Variants in DCBLD1 observed in about 807,000 individuals in gnomAD.
DCBLD1 encodes discoidin, CUB and LCCL domain containing 1, also known as discoidin, CUB and LCCL domain-containing protein 1.
Under a neutral mutation model 71.5 loss-of-function variants are expected in DCBLD1, and 57 were observed. The ratio of observed to expected loss-of-function variants is 0.80; its 90% CI spans 0.64 to 0.99. The LOEUF (loss-of-function observed/expected upper bound fraction) is 0.99, where lower values mean the gene tolerates loss of function less well. Ranked by LOEUF, DCBLD1 falls within the 50% of genes least tolerant of loss-of-function variation. DCBLD1 has a pLI of 0.00. For synonymous variants in DCBLD1, 380 were observed against 363.8 expected, an observed-to-expected ratio of 1.04 and a Z score of -0.51; for missense variants, 891 against 923.5, an observed-to-expected ratio of 0.96 and a Z score of 0.46.
chr6:117,537,623 T>G (rs35733573), intron 7 of DCBLD1, among the ~76,000 whole-genome samples: 1,493 of 119,686 alleles, frequency 0.012, 43 homozygotes, highest in African/African-American at 0.054. Flanking sequence ...TAAAAGGTTG[T>G]TTTTTTTTTT....
Position 117,560,910 on chromosome 6 carries a change from A to T in DCBLD1, c.1616-8710A>T, listed in dbSNP as rs1583045011. The T allele has an allele frequency of 2.4e-5, 5 of 212,434 alleles. No individual in the cohort carries two copies. The East Asian group carries it at 3.5e-4, about 15-fold the overall frequency. 13.2% of individuals were successfully genotyped at this position (212,434 alleles called of 1,614,324 possible). A position where few individuals can be genotyped will look rare whatever the true frequency, so the allele number is the denominator to read the frequency against. ...GTTTTGTCCTAGAAGTTTCAGGGAC[A>T]TATGAATTTCTTTCCTATAAATGTG... On this transcript the variant is annotated intron_variant, in intron 14 of 14. Transcript: ENST00000296955.
At chr6:117,490,605 T>C (rs1439327474) in intron 1 of DCBLD1, among the ~76,000 whole-genome samples, 1 of 152,216 alleles carries the variant, frequency 6.6e-6, no homozygotes. Flanking sequence ...AGGTAAGGTG[T>C]ATTTTTTTAA....
At chr6:117,528,719 T>A (rs531080749) in intron 5 of DCBLD1, among the ~76,000 whole-genome samples, 14 of 152,370 alleles carry the variant, frequency 9.2e-5, no homozygotes, top group African/African-American at 3.4e-4. Context: ...TCCTAAAGAA[T>A]TATTACATTT....
intron 6 of DCBLD1, among the ~76,000 whole-genome samples, chr6:117,535,762 G>A (rs897845394): frequency 2.0e-5 from 3 of 152,114 alleles, no homozygotes; most frequent in African/African-American, 7.2e-5. Context: ...AACAGCGTAG[G>A]AACGTTAGAG....
At chr6:117,555,400 A>G (rs1389030765) in intron 14 of DCBLD1, among the ~76,000 whole-genome samples, 1 of 152,152 alleles carries the variant, frequency 6.6e-6, no homozygotes. Context: ...TCAGAAGCCA[A>G]CAACCCATTT....
chr6:117,565,118 A>T (rs1416952481), intron 14 of DCBLD1, among the ~76,000 whole-genome samples: 1 of 152,220 alleles, frequency 6.6e-6, no homozygotes, highest in African/African-American at 2.4e-5. Flanking sequence ...ATAAATCCAG[A>T]AGGTTAATAT....
chr6:117,485,965 T>C (rs527977434), intron 1 of DCBLD1, among the ~76,000 whole-genome samples: 35 of 152,344 alleles, frequency 2.3e-4, no homozygotes, highest in Non-Finnish European at 3.8e-4. Context: ...AACAGTGAGT[T>C]ATATATTAAT....
intron 2 of DCBLD1, among the ~76,000 whole-genome samples, chr6:117,518,258 T>G (rs1422215217): frequency 6.6e-6 from 1 of 152,218 alleles, no homozygotes. Flanking sequence ...AAGAGTCACC[T>G]TTGCTCCAGT....
At chr6:117,489,897 T>C (rs1295966008) in intron 1 of DCBLD1, among the ~76,000 whole-genome samples, 1 of 152,220 alleles carries the variant, frequency 6.6e-6, no homozygotes, top group African/African-American at 2.4e-5. Flanking sequence ...AAAAAAAGAA[T>C]AAATTTCTCT....
At chr6:117,563,462 C>T in intron 14 of DCBLD1, 1 of 1,407,646 alleles carries the variant, frequency 7.1e-7, no homozygotes, top group Non-Finnish European at 9.9e-7. Context: ...TGGCTCATAC[C>T]TGTAATCCCA....
At chr6:117,520,247 A>G (rs1017527633) in intron 3 of DCBLD1, among the ~76,000 whole-genome samples, 4 of 152,198 alleles carry the variant, frequency 2.6e-5, no homozygotes, top group African/African-American at 9.6e-5. Flanking sequence ...AAAAATTTTT[A>G]TAATTATGTT....
chr6:117,537,132 A>G (rs923308460), intron 6 of DCBLD1, 53 bp from the exon 7 acceptor site: 2 of 1,586,332 alleles, frequency 1.3e-6, no homozygotes, highest in Non-Finnish European at 1.7e-6. Flanking sequence ...TATATTAGTC[A>G]CTAAGATGTA....
chr6:117,520,029 A>G (rs976535965), intron 3 of DCBLD1, 79 bp downstream of exon 3: 1 of 1,584,986 alleles, frequency 6.3e-7, no homozygotes, highest in African/African-American at 1.3e-5. Flanking sequence ...CCATCCCTGG[A>G]CATAATTGTG....
chr6:117,555,615 C>CTA (rs998131923), intron 14 of DCBLD1, among the ~76,000 whole-genome samples: 19 of 152,270 alleles, frequency 1.2e-4, no homozygotes, highest in African/African-American at 4.6e-4. Context: ...CAGGGGAATG[C>CTA]TATAGTCTTG....
At chr6:117,540,188 C>G (rs1314087270) in intron 9 of DCBLD1, 1 of 153,076 alleles carries the variant, frequency 6.5e-6, no homozygotes, top group African/African-American at 2.4e-5. Flanking sequence ...TTTTCTACTT[C>G]AGGAATGAAA....
rs12181303 is a variant in DCBLD1 at position 117,545,649 on chromosome 6, G to C, written c.1615+52G>C. 46 of 1,573,980 alleles carry C rather than the reference G, an allele frequency of 2.9e-5. No homozygotes were observed. In the African/African-American group the frequency reaches 3.6e-4, roughly 12 times the overall value. On this transcript the variant is annotated intron_variant, in intron 14 of 14. Transcript: ENST00000338728. ...CTATTAGATTGGAGGTGCTGCTTGT[G>C]GGGGAGGGAGACAGGAGAGAAATAA... is the stretch of plus-strand genomic sequence containing the variant.
At chr6:117,543,435 G>T (rs1400418595) in intron 12 of DCBLD1, among the ~76,000 whole-genome samples, 2 of 152,160 alleles carry the variant, frequency 1.3e-5, no homozygotes, top group Non-Finnish European at 2.9e-5. Flanking sequence ...CTCCCAGGCT[G>T]GAGTGCAGTG....
intron 14 of DCBLD1, among the ~76,000 whole-genome samples, chr6:117,555,098 C>G (rs1779480211): frequency 6.6e-6 from 1 of 152,104 alleles, no homozygotes; most frequent in Admixed American, 6.5e-5. Context: ...GGGGAGAGCA[C>G]TTTGACAATT....
intron 1 of DCBLD1, among the ~76,000 whole-genome samples, chr6:117,483,746 T>A (rs531920761): frequency 6.6e-6 from 1 of 152,100 alleles, no homozygotes; most frequent in African/African-American, 2.4e-5. Flanking sequence ...CCGAGTTGTT[T>A]CAGTGTTTCC....
Sources: gnomAD v4.1 joint callset for allele counts (sites outside exome capture counted in the v4.1 genomes callset) on GRCh38, gnomAD v4.1.1 for gene constraint, MANE v1.5 for transcripts, NCBI Gene and HGNC (gene_info 2026-07-23, HGNC 2026-07-21) for gene names.